ATL2: variants seen among roughly 807,000 people sequenced by gnomAD.
ATL2 encodes the protein atlastin GTPase 2.
Under a neutral mutation model 73.9 loss-of-function variants are expected in ATL2, and 31 were observed. The ratio of observed to expected loss-of-function variants is 0.42; its 90% confidence interval spans 0.32 to 0.57. The LOEUF (loss-of-function observed/expected upper bound fraction) is 0.57. Ranked by LOEUF, ATL2 falls within the 20% of genes least tolerant of loss-of-function variation. The probability of loss-of-function intolerance (pLI) is 0.14; values close to 1 mark genes in which losing one functional copy is unlikely to be tolerated. For synonymous variants in ATL2, 291 were observed against 237.5 expected (o/e 1.23, Z -2.07); for missense variants, 738 against 702.6 (o/e 1.05, Z -0.57).
At chr2:38,344,657 C>CTCT (rs1669918442) in intron 1 of ATL2, among the ~76,000 whole-genome samples, 1 of 152,024 alleles carries the variant, frequency 6.6e-6, no homozygotes, top group Admixed American at 6.6e-5. Context: ...CATTCTGAAA[C>CTCT]TTAAAGGGGA....
intron 2 of ATL2, among the ~76,000 whole-genome samples, chr2:38,335,456 C>T (rs1669297242): frequency 6.6e-6 from 1 of 152,114 alleles, no homozygotes; most frequent in African/African-American, 2.4e-5. Flanking sequence ...CATACACCAG[C>T]CTTAATGCTT....
chr2:38,352,800 C>T (rs972953493), intron 1 of ATL2, among the ~76,000 whole-genome samples: 18 of 152,208 alleles, frequency 1.2e-4, no homozygotes, highest in Admixed American at 1.1e-3. Context: ...GGCCTACTGA[C>T]AATCCATCCA....
chr2:38,305,873 C>A (rs1289885976), intron 9 of ATL2, among the ~76,000 whole-genome samples: 3 of 151,300 alleles, frequency 2.0e-5, no homozygotes, highest in Non-Finnish European at 3.0e-5. Context: ...CTTAAAAAAA[C>A]AGAAAAGGAA....
chr2:38,363,967 T>C (rs2124475984), intron 1 of ATL2, among the ~76,000 whole-genome samples: 1 of 152,266 alleles, frequency 6.6e-6, no homozygotes, highest in South Asian at 2.1e-4. Flanking sequence ...AGGCTAACTT[T>C]AAAAATGTAG....
At chr2:38,356,712 TAACAA>T (rs1216898815) in intron 1 of ATL2, among the ~76,000 whole-genome samples, 3 of 152,228 alleles carry the variant, frequency 2.0e-5, no homozygotes, top group Non-Finnish European at 2.9e-5. Context: ...GTATCCATAC[TAACAA>T]AACTGTTAAT....
chr2:38,337,653 A>G (rs1429905869), intron 2 of ATL2, among the ~76,000 whole-genome samples: 1 of 151,872 alleles, frequency 6.6e-6, no homozygotes, highest in African/African-American at 2.4e-5. Flanking sequence ...AAATTAATTG[A>G]TCACAGGGAT....
chr2:38,305,694 G>A (rs760431616), intron 9 of ATL2, among the ~76,000 whole-genome samples: 5 of 152,004 alleles, frequency 3.3e-5, no homozygotes, highest in Non-Finnish European at 7.4e-5. Flanking sequence ...CACTAGATCA[G>A]TGAAGAAATT....
chr2:38,310,890 G>A (rs559619641), intron 7 of ATL2, among the ~76,000 whole-genome samples: 10 of 151,870 alleles, frequency 6.6e-5, no homozygotes, highest in Non-Finnish European at 1.3e-4. Context: ...GCCTCCCAAA[G>A]TGCTGGGATT....
At chr2:38,349,443 T>C (rs1670215892) in intron 1 of ATL2, among the ~76,000 whole-genome samples, 1 of 144,484 alleles carries the variant, frequency 6.9e-6, no homozygotes, top group African/African-American at 2.6e-5. Flanking sequence ...AAACACCGCA[T>C]GTTCTCACTC....
chr2:38,342,973 C>CA (rs56691245), intron 2 of ATL2, among the ~76,000 whole-genome samples: 2,487 of 85,376 alleles, frequency 0.029, 28 homozygotes, highest in East Asian at 0.084. Context: ...CCCATAGCTA[C>CA]AAAAAAAAAA....
intron 2 of ATL2, among the ~76,000 whole-genome samples, chr2:38,331,849 T>C (rs1274573897): frequency 2.0e-5 from 3 of 151,748 alleles, no homozygotes; most frequent in Non-Finnish European, 4.4e-5. Flanking sequence ...CATATATAAA[T>C]ATATTTTATG....
intron 2 of ATL2, among the ~76,000 whole-genome samples, chr2:38,341,145 C>G (rs755087709): frequency 1.9e-4 from 29 of 152,158 alleles, no homozygotes; most frequent in Non-Finnish European, 5.9e-5. Flanking sequence ...TGTCTGTGAC[C>G]TACTTGGAAC....
At chr2:38,320,094 G>A (rs1396818821) in intron 2 of ATL2, among the ~76,000 whole-genome samples, 4 of 152,094 alleles carry the variant, frequency 2.6e-5, no homozygotes, top group East Asian at 1.9e-4. Flanking sequence ...CCAAAAGAGC[G>A]AAACTGCGTC....
chr2:38,361,582 A>G (rs995787849), intron 1 of ATL2, among the ~76,000 whole-genome samples: 2 of 152,216 alleles, frequency 1.3e-5, no homozygotes, highest in Non-Finnish European at 2.9e-5. Flanking sequence ...ACTGCACAGT[A>G]ACATTTTCTC....
At chr2:38,343,758 T>C (rs554607582) in intron 1 of ATL2, among the ~76,000 whole-genome samples, 3 of 152,252 alleles carry the variant, frequency 2.0e-5, no homozygotes, top group Admixed American at 2.0e-4. Flanking sequence ...GCTCCCACAA[T>C]TTCCACATGT....
At chr2:38,367,715 C>T (rs1671422366) in intron 1 of ATL2, among the ~76,000 whole-genome samples, 1 of 150,898 alleles carries the variant, frequency 6.6e-6, no homozygotes, top group African/African-American at 2.4e-5. Flanking sequence ...TCACTGCCAC[C>T]TCCGCCTCCA....
At position 38,298,381 on chromosome 2, in the gene ATL2, G is replaced by C; in HGVS notation, c.1395C>G (p.Gly465=). ...TACGAGCAGCATAGAAGATATTTTT[G>C]CCATCATTGTGCTTTATAAAATTTG... The part of the protein sequence containing the change: ...TYANFIKHND[G]KNIFYAARTP... The change falls in exon 12 of 13, where the codon GGC becomes GGG. Residue 465 remains glycine (G), a synonymous_variant. Transcript: ENST00000378954. 6.2e-7 allele frequency: 1 copy of C among 1,614,148 alleles called. No homozygotes were observed. Among genetic ancestry groups the C allele is most frequent in the Admixed American group, 1.7e-5 (1 of 60,028 alleles).
In ATL2 at chr2:38,295,756, G is replaced by A; in HGVS notation, c.*238C>T. On this transcript the variant is annotated 3_prime_UTR_variant, in exon 13 of 13. Transcript: ENST00000378954. ...AAAAAGAAATAAAAGAGTTAAACATGGCACAAAGGTGCATGATTAACCAAT... is the reference window on the plus strand; with the variant it reads ...AAAAAGAAATAAAAGAGTTAAACATAGCACAAAGGTGCATGATTAACCAAT... 1 of 327,638 alleles carries A rather than the reference G, an allele frequency of 3.1e-6. No homozygotes were observed. 20.3% of individuals were successfully genotyped at this position (327,638 alleles called of 1,614,324 possible). A position where few individuals can be genotyped will look rare whatever the true frequency, so the allele number is the denominator to read the frequency against.
intron 9 of ATL2, among the ~76,000 whole-genome samples, chr2:38,305,979 TA>T (rs1198604192): frequency 2.6e-5 from 4 of 151,748 alleles, no homozygotes; most frequent in Admixed American, 6.6e-5. Context: ...TTTAAAAAGA[TA>T]AACAAAGTCA....
Sources: gnomAD v4.1 joint callset for allele counts (sites outside exome capture counted in the v4.1 genomes callset) on GRCh38, gnomAD v4.1.1 for gene constraint, MANE v1.5 for transcripts, NCBI Gene and HGNC (gene_info 2026-07-23, HGNC 2026-07-21) for gene names.